KCNJ3: variants seen among roughly 807,000 people sequenced by gnomAD.
The protein encoded by KCNJ3 is potassium inwardly rectifying channel subfamily J member 3, also known as G protein-activated inward rectifier potassium channel 1.
A neutral mutation model predicts 39.2 loss-of-function variants in KCNJ3; 4 were observed. The observed-to-expected ratio is 0.10, with a 90% CI of 0.05 to 0.23. KCNJ3 has a LOEUF of 0.23. Ranked by LOEUF, KCNJ3 falls within the 10% of genes least tolerant of loss-of-function variation. KCNJ3 has a pLI of 1.00. For missense variants in KCNJ3, 276 were observed against 634.9 expected (o/e 0.43, Z 6.08); for synonymous variants, 230 against 237.4 (o/e 0.97, Z 0.29).
chr2:154,800,775 A>G (rs949638991), intron 2 of KCNJ3, among the ~76,000 whole-genome samples: 3 of 152,210 alleles, frequency 2.0e-5, no homozygotes, highest in African/African-American at 4.8e-5. Context: ...CATTTAAACA[A>G]TATTTGTCAC....
chr2:154,767,325 T>A (rs1686151707), intron 2 of KCNJ3, among the ~76,000 whole-genome samples: 1 of 151,948 alleles, frequency 6.6e-6, no homozygotes, highest in Non-Finnish European at 1.5e-5. Flanking sequence ...CCTAATGCCA[T>A]CCCTCCCCAC....
chr2:154,848,631 C>A (rs1040291518), intron 2 of KCNJ3, among the ~76,000 whole-genome samples: 7 of 152,118 alleles, frequency 4.6e-5, no homozygotes, highest in Non-Finnish European at 1.0e-4. Context: ...CATTGCTAAA[C>A]ACATTGCATA....
intron 2 of KCNJ3, among the ~76,000 whole-genome samples, chr2:154,780,265 A>G (rs570838671): frequency 1.1e-4 from 17 of 152,312 alleles, no homozygotes; most frequent in Admixed American, 2.0e-4. Flanking sequence ...GTGTGTGTAC[A>G]TGCACACTCT....
chr2:154,854,340 A>T (rs1393112622), intron 2 of KCNJ3, among the ~76,000 whole-genome samples: 1 of 152,152 alleles, frequency 6.6e-6, no homozygotes, highest in African/African-American at 2.4e-5. Flanking sequence ...GTTTAGATTC[A>T]AAATCAGATT....
intron 2 of KCNJ3, among the ~76,000 whole-genome samples, chr2:154,824,598 A>G (rs984921436): frequency 3.9e-5 from 6 of 152,314 alleles, no homozygotes; most frequent in Admixed American, 2.6e-4. Flanking sequence ...CTAGTGAGTA[A>G]TCTATAAAAA....
rs151154908 is a variant in KCNJ3 at position 154,737,313 on chromosome 2, T to A, written c.919+27494T>A. Among the ~76,000 whole-genome samples, 115 of 152,272 alleles carry A rather than the reference T, an allele frequency of 7.6e-4. 1 individual carries two copies. Among genetic ancestry groups the A allele is most frequent in the African/African-American group, 2.7e-3 (111 of 41,562 alleles). ...TGCTTAAAAAGGTTTAAAAGTAAGA[T>A]TTGAAAAAGTGAAACTGTTTACAGA... On this transcript the variant is annotated intron_variant, in intron 2 of 2. Transcript: ENST00000295101.
In KCNJ3 at chr2:154,714,299, G is replaced by A. The variant is rs191460635; in HGVS notation, c.919+4480G>A. 2.3e-3 allele frequency among the ~76,000 whole-genome samples: 346 copies of A among 152,022 alleles called. 2 individuals carry two copies. Among genetic ancestry groups the A allele is most frequent in the African/African-American group, 7.9e-3 (329 of 41,460 alleles). ...TTATTTGTCCCTTTATACATTTAAG[G>A]TTATTTCTGAAATTCAGACACATTA... is the stretch of plus-strand genomic sequence containing the variant. On this transcript the variant is annotated intron_variant, in intron 2 of 2. Coordinates refer to ENST00000295101, the MANE Select transcript of KCNJ3 (RefSeq NM_002239.4).
intron 2 of KCNJ3, among the ~76,000 whole-genome samples, chr2:154,851,931 G>T (rs370843651): frequency 1.3e-5 from 2 of 151,554 alleles, no homozygotes; most frequent in Admixed American, 6.6e-5. Context: ...TGTTATTTTC[G>T]CAATGTGAAA....
At chr2:154,774,166 A>G (rs1686291485) in intron 2 of KCNJ3, among the ~76,000 whole-genome samples, 1 of 152,200 alleles carries the variant, frequency 6.6e-6, no homozygotes, top group African/African-American at 2.4e-5. Context: ...AGCTTCTAGC[A>G]TATTATTTTA....
intron 2 of KCNJ3, among the ~76,000 whole-genome samples, chr2:154,802,139 CCT>C (rs1686830327): frequency 6.6e-6 from 1 of 151,836 alleles, no homozygotes; most frequent in Non-Finnish European, 1.5e-5. Context: ...GGTAAAAGAA[CCT>C]GCTGCCCATT....
intron 2 of KCNJ3, among the ~76,000 whole-genome samples, chr2:154,741,039 A>G (rs1366147601): frequency 6.6e-6 from 1 of 152,022 alleles, no homozygotes; most frequent in South Asian, 2.1e-4. Flanking sequence ...GAATCACTCT[A>G]TGTATAGTTT....
chr2:154,825,989 T>C (rs1687265053), intron 2 of KCNJ3, among the ~76,000 whole-genome samples: 2 of 152,058 alleles, frequency 1.3e-5, no homozygotes, highest in Non-Finnish European at 2.9e-5. Flanking sequence ...GTCAAAAGAT[T>C]AGTGGTAGAA....
Position 154,716,276 on chromosome 2 carries a change from A to ATTTT in KCNJ3, c.919+6476_919+6479dup, listed in dbSNP as rs535989708. Among the ~76,000 whole-genome samples the ATTTT allele has an allele frequency of 2.8e-3, 328 of 115,416 alleles. 3 individuals are homozygous for ATTTT. Among genetic ancestry groups the ATTTT allele is most frequent in the East Asian group, 0.013 (50 of 3,796 alleles). 75.7% of individuals were successfully genotyped at this position (115,416 alleles called of 152,430 possible). ...AGGTGCCTGCCACCACGGCCGGCTA[A>ATTTT]TTTTTTTTTTTTTTTTTTTTTTGTA... On this transcript the variant is annotated intron_variant, in intron 2 of 2. Coordinates refer to ENST00000295101, the MANE Select transcript of KCNJ3 (RefSeq NM_002239.4).
chr2:154,753,042 A>G (rs929634588), intron 2 of KCNJ3, among the ~76,000 whole-genome samples: 1 of 152,060 alleles, frequency 6.6e-6, no homozygotes, highest in African/African-American at 2.4e-5. Context: ...GGTTAGCATT[A>G]TTGACCTCAG....
intron 2 of KCNJ3, among the ~76,000 whole-genome samples, chr2:154,820,470 A>T (rs1467014642): frequency 6.6e-5 from 10 of 152,192 alleles, no homozygotes; most frequent in Non-Finnish European, 1.5e-4. Flanking sequence ...AGGAGACGCA[A>T]CATCTGCTTG....
intron 2 of KCNJ3, among the ~76,000 whole-genome samples, chr2:154,816,194 TA>T (rs1196464178): frequency 1.3e-5 from 2 of 152,160 alleles, no homozygotes; most frequent in Non-Finnish European, 2.9e-5. Flanking sequence ...ATCAAACAGT[TA>T]AAAAATTTTA....
chr2:154,717,133 AG>A (rs1685195040), intron 2 of KCNJ3, among the ~76,000 whole-genome samples: 1 of 152,194 alleles, frequency 6.6e-6, no homozygotes, highest in Admixed American at 6.5e-5. Context: ...GTGAAGCAGA[AG>A]CTCAGCAGGA....
chr2:154,736,154 C>T (rs1412956291), intron 2 of KCNJ3, among the ~76,000 whole-genome samples: 1 of 151,888 alleles, frequency 6.6e-6, no homozygotes, highest in Non-Finnish European at 1.5e-5. Context: ...CCTCTCTTGT[C>T]ATTGTAAATT....
intron 2 of KCNJ3, among the ~76,000 whole-genome samples, chr2:154,717,438 T>C (rs575196435): frequency 6.6e-6 from 1 of 152,294 alleles, no homozygotes; most frequent in South Asian, 2.1e-4. Flanking sequence ...AGCCCAGTTA[T>C]TAAGCTGTTA....
Sources: gnomAD v4.1 joint callset for allele counts (sites outside exome capture counted in the v4.1 genomes callset) on GRCh38, gnomAD v4.1.1 for gene constraint, MANE v1.5 for transcripts, NCBI Gene and HGNC (gene_info 2026-07-23, HGNC 2026-07-21) for gene names.